The following ARAP2 variants were observed in gnomAD, a reference collection of about 807,000 sequenced individuals.
ARAP2 encodes the protein arf-GAP with Rho-GAP domain, ANK repeat and PH domain-containing protein 2.
A neutral mutation model predicts 194.5 loss-of-function variants in ARAP2; 148 were observed. That is an observed-to-expected ratio of 0.76 (90% CI 0.67 to 0.87). The LOEUF is 0.87. ARAP2 is among the 40% of genes least tolerant of loss of function. ARAP2 has a pLI of 0.00. For synonymous variants in ARAP2, 695 were observed against 683.5 expected (o/e 1.02, Z -0.26); for missense variants, 2,128 against 1,989.7 (o/e 1.07, Z -1.32).
At chr4:36,008,775 GAAAATATTTGC>G (rs1713830811) in intron 9 of ARAP2, among the ~76,000 whole-genome samples, 1 of 151,992 alleles carries the variant, frequency 6.6e-6, no homozygotes, top group South Asian at 2.1e-4. Flanking sequence ...AAGAATGAGA[GAAAATATTTGC>G]AAACTATGCA....
At position 36,049,645 on chromosome 4, in the gene ARAP2, T is replaced by A. The variant is rs182278533; in HGVS notation, n.369+2361A>T. Among the ~76,000 whole-genome samples, 87 of 152,314 alleles carry A rather than the reference T, an allele frequency of 5.7e-4. No homozygotes were observed. The East Asian group carries it at 0.014, about 25-fold the overall frequency. ...CAAAGCTTTGACTTTGTCTCATAGA[T>A]TGGTATTCATCTCTAATTGAAATGA... On this transcript the variant is annotated intron_variant and non_coding_transcript_variant, in intron 3 of 12. Coordinates refer to the ARAP2 transcript ENST00000503225.
At chr4:36,143,268 G>A (rs1197169855) in intron 19 of ARAP2, among the ~76,000 whole-genome samples, 1 of 151,512 alleles carries the variant, frequency 6.6e-6, no homozygotes, top group Non-Finnish European at 1.5e-5. Context: ...AATTAGGTAG[G>A]AATTCTATGG....
At chr4:36,048,007 T>A (rs1722097164) in intron 3 of ARAP2, among the ~76,000 whole-genome samples, 1 of 152,196 alleles carries the variant, frequency 6.6e-6, no homozygotes, top group South Asian at 2.1e-4. Flanking sequence ...CACTGAGAAC[T>A]CTGAATGCAA....
At chr4:36,144,465 T>C (rs1181740471) in intron 19 of ARAP2, among the ~76,000 whole-genome samples, 9 of 151,880 alleles carry the variant, frequency 5.9e-5, no homozygotes, top group Non-Finnish European at 1.2e-4. Flanking sequence ...ACTCTCACGG[T>C]ATAGTGAAAT....
intron 19 of ARAP2, among the ~76,000 whole-genome samples, chr4:36,140,668 T>C (rs1242160012): frequency 1.3e-5 from 2 of 151,702 alleles, no homozygotes; most frequent in East Asian, 3.9e-4. Context: ...AAAGATCATA[T>C]GGAATAAGGT....
chr4:36,054,154 T>A (rs1434234667), intron 2 of ARAP2, among the ~76,000 whole-genome samples: 2 of 152,184 alleles, frequency 1.3e-5, no homozygotes, highest in Admixed American at 1.3e-4. Flanking sequence ...ACTGCTGGAA[T>A]GTACAGGCCC....
chr4:36,168,990 C>T (rs1220537838), intron 9 of ARAP2, among the ~76,000 whole-genome samples: 4 of 152,166 alleles, frequency 2.6e-5, no homozygotes, highest in African/African-American at 4.8e-5. Context: ...CAATTATCCA[C>T]AGCTATACTC....
intron 9 of ARAP2, among the ~76,000 whole-genome samples, chr4:36,010,470 G>A (rs569179845): frequency 6.6e-6 from 1 of 152,106 alleles, no homozygotes; most frequent in East Asian, 1.9e-4. Context: ...TTTTATGGAT[G>A]TGTCAAGTGC....
intron 12 of ARAP2, 121 bp downstream of exon 12, chr4:36,161,344 T>C: frequency 1.4e-6 from 1 of 698,674 alleles, no homozygotes; most frequent in Non-Finnish European, 2.5e-6. Context: ...CATAATGTGG[T>C]GAGAACTTTA....
At chr4:36,033,914 C>T (rs1719449220) in intron 5 of ARAP2, among the ~76,000 whole-genome samples, 1 of 152,052 alleles carries the variant, frequency 6.6e-6, no homozygotes, top group Non-Finnish European at 1.5e-5. Context: ...ACTCCTTTTC[C>T]CAATGCTTGT....
At chr4:36,095,284 T>C (rs1714848797) in intron 27 of ARAP2, among the ~76,000 whole-genome samples, 1 of 152,206 alleles carries the variant, frequency 6.6e-6, no homozygotes, top group Non-Finnish European at 1.5e-5. Flanking sequence ...TTCATCTTTT[T>C]CTCCTTATTT....
intron 6 of ARAP2, among the ~76,000 whole-genome samples, chr4:36,018,990 G>A (rs1341873353): frequency 1.3e-5 from 2 of 149,792 alleles, no homozygotes; most frequent in Non-Finnish European, 2.9e-5. Context: ...TGGAATTTGG[G>A]GTAAGAGAAA....
chr4:36,155,480 A>C (rs899008136), intron 15 of ARAP2, among the ~76,000 whole-genome samples: 2 of 152,096 alleles, frequency 1.3e-5, no homozygotes, highest in Admixed American at 6.6e-5. Context: ...CAGCAGGTGA[A>C]AAGGTCCAGA....
chr4:36,237,891 T>C (rs1228451741), intron 1 of ARAP2, among the ~76,000 whole-genome samples: 1 of 152,184 alleles, frequency 6.6e-6, no homozygotes, highest in Non-Finnish European at 1.5e-5. Context: ...TCAACTTAAC[T>C]CTTTCCAAGA....
chr4:36,140,955 A>T (rs1458947591), intron 19 of ARAP2, among the ~76,000 whole-genome samples: 2 of 151,684 alleles, frequency 1.3e-5, no homozygotes, highest in African/African-American at 4.8e-5. Flanking sequence ...CACTGTGTTT[A>T]TTAGAACCAA....
rs73809143 is a variant in ARAP2, at chr4:36,158,420, G to A, written c.2752+310C>T. Among the ~76,000 whole-genome samples the A allele has an allele frequency of 6.2e-3, 949 of 152,214 alleles. 11 individuals carry two copies. The highest frequency in any genetic ancestry group is 0.022 in the African/African-American group (901 of 41,532). ...TACATTATCTGGTGAGCCAGTTGGG[G>A]TGTCCATCCCTAAGGAAAGGGGCTG... On this transcript the variant is annotated intron_variant, in intron 15 of 32. Coordinates refer to ENST00000303965, the MANE Select transcript of ARAP2 (RefSeq NM_015230.4).
At chr4:36,043,577 A>G (rs373119234) in intron 5 of ARAP2, among the ~76,000 whole-genome samples, 6 of 152,118 alleles carry the variant, frequency 3.9e-5, no homozygotes, top group African/African-American at 1.4e-4. Flanking sequence ...CAGTTTGAAG[A>G]TGAAGCAAAT....
At chr4:36,022,606 C>T (rs775533309) in intron 5 of ARAP2, among the ~76,000 whole-genome samples, 2 of 152,146 alleles carry the variant, frequency 1.3e-5, no homozygotes, top group Non-Finnish European at 2.9e-5. Flanking sequence ...CATCACAAAA[C>T]AGTTTCTAGA....
At chr4:36,204,813 AC>A (rs983229046) in intron 6 of ARAP2, among the ~76,000 whole-genome samples, 1 of 151,648 alleles carries the variant, frequency 6.6e-6, no homozygotes, top group Non-Finnish European at 1.5e-5. Context: ...AGATGGTGAA[AC>A]CCCGTCTCTA....
Sources: gnomAD v4.1 joint callset for allele counts (sites outside exome capture counted in the v4.1 genomes callset) on GRCh38, gnomAD v4.1.1 for gene constraint, MANE v1.5 for transcripts, NCBI Gene and HGNC (gene_info 2026-07-23, HGNC 2026-07-21) for gene names.